RORA: variants seen among roughly 807,000 people sequenced by gnomAD.
RORA encodes the protein nuclear receptor ROR-alpha.
A neutral mutation model predicts 69.5 loss-of-function variants in RORA; 7 were observed. That is an observed-to-expected ratio of 0.10 (90% CI 0.06 to 0.19). The LOEUF (loss-of-function observed/expected upper bound fraction) is 0.19, where lower values mean the gene tolerates loss of function less well. RORA is among the 10% of genes least tolerant of loss of function. RORA has a pLI of 1.00. For synonymous variants in RORA, 261 were observed against 240.8 expected, an observed-to-expected ratio of 1.08 and a Z score of -0.78; for missense variants, 457 against 663.0, an observed-to-expected ratio of 0.69 and a Z score of 3.41.
At chr15:60,985,924 T>C (rs1894189549) in intron 1 of RORA, among the ~76,000 whole-genome samples, 1 of 152,222 alleles carries the variant, frequency 6.6e-6, no homozygotes, top group African/African-American at 2.4e-5. Flanking sequence ...ATTAAGAGTT[T>C]ATCTGAAGAT....
intron 1 of RORA, among the ~76,000 whole-genome samples, chr15:60,683,530 GTTA>G (rs1351883984): frequency 2.6e-5 from 4 of 152,000 alleles, no homozygotes; most frequent in African/African-American, 9.7e-5. Flanking sequence ...CCCACAAAAG[GTTA>G]TATAAGTAAA....
At chr15:60,846,877 A>G (rs981485496) in intron 1 of RORA, among the ~76,000 whole-genome samples, 3 of 152,216 alleles carry the variant, frequency 2.0e-5, no homozygotes, top group African/African-American at 7.2e-5. Context: ...CAAAACCACC[A>G]TGACCTAAAT....
At chr15:61,124,023 G>A (rs561990400) in intron 1 of RORA, among the ~76,000 whole-genome samples, 71 of 152,264 alleles carry the variant, frequency 4.7e-4, no homozygotes, top group Non-Finnish European at 9.4e-4. Context: ...AAACATACAT[G>A]CGAACAGCCA....
At chr15:61,193,540 T>C (rs1184386788) in intron 1 of RORA, among the ~76,000 whole-genome samples, 3 of 152,232 alleles carry the variant, frequency 2.0e-5, no homozygotes, top group South Asian at 2.1e-4. Context: ...TCCTGAAGTT[T>C]GATCTCCTCC....
chr15:60,587,478 C>G (rs1439118920), intron 2 of RORA, among the ~76,000 whole-genome samples: 2 of 152,126 alleles, frequency 1.3e-5, no homozygotes, highest in Admixed American at 1.3e-4. Flanking sequence ...GGTTGTAGTT[C>G]TTGTTTCACG....
At chr15:60,613,449 T>A (rs1278015638) in intron 2 of RORA, among the ~76,000 whole-genome samples, 1 of 152,138 alleles carries the variant, frequency 6.6e-6, no homozygotes, top group African/African-American at 2.4e-5. Context: ...TCTTGTCCTG[T>A]CGCTTGTCAG....
At position 60,514,709 on chromosome 15, in the gene RORA, G is replaced by A. The variant is rs770686712; in HGVS notation, c.331C>T (p.Arg111Cys). Residue 111 changes from arginine (R) to cysteine (C), a missense_variant, in exon 4 of 11, where the codon CGT becomes TGT. Physicochemically the swap from Arg to Cys is radical, Grantham distance 180. Coordinates refer to ENST00000335670, the MANE Select transcript of RORA (RefSeq NM_134261.3). ...CGATCAATCAAACAGTTCTTCTGAC[G>A]AGGACAGGAGTAGGTGGCATTGCTT... ...QQSNATYSCP[R>C]QKNCLIDRTS... 3 of 1,613,868 alleles carry A rather than the reference G, an allele frequency of 1.9e-6. No individual in the cohort carries two copies. The highest frequency in any genetic ancestry group is 1.7e-6 in the Non-Finnish European group (2 of 1,179,798).
intron 1 of RORA, among the ~76,000 whole-genome samples, chr15:61,223,649 G>GCAC (rs2080119458): frequency 6.6e-6 from 1 of 152,168 alleles, no homozygotes; most frequent in African/African-American, 2.4e-5. Context: ...TGACCTTGTG[G>GCAC]CACCATAAGA....
At chr15:60,637,694 A>T (rs995994560) in intron 2 of RORA, among the ~76,000 whole-genome samples, 1 of 152,170 alleles carries the variant, frequency 6.6e-6, no homozygotes, top group African/African-American at 2.4e-5. Flanking sequence ...TTCTATTGAC[A>T]CATATGCAAG....
rs1555403791 is a variant in RORA, at chr15:61,033,408, G to GAA, written c.166+195643_166+195644dup. On this transcript the variant is annotated intron_variant, in intron 1 of 10. Transcript: ENST00000335670. ...AGCCCCAAATTTATAGCTTTATTCT[G>GAA]AAAAAAAAAACAAAAACCAGTTTTG... 1.1e-3 allele frequency among the ~76,000 whole-genome samples: 41 copies of GAA among 36,094 alleles called. 2 individuals carry two copies. In the South Asian group the frequency reaches 0.029, roughly 25 times the overall value. 23.7% of individuals were successfully genotyped at this position (36,094 alleles called of 152,430 possible). A position where few individuals can be genotyped will look rare whatever the true frequency, so the allele number is the denominator to read the frequency against.
At chr15:61,106,012 G>GAACCCA (rs2078945352) in intron 1 of RORA, among the ~76,000 whole-genome samples, 1 of 152,196 alleles carries the variant, frequency 6.6e-6, no homozygotes, top group African/African-American at 2.4e-5. Context: ...CTCAAAAGTG[G>GAACCCA]TATATGGGTT....
chr15:60,712,148 T>A (rs751539728), intron 1 of RORA, among the ~76,000 whole-genome samples: 12 of 152,200 alleles, frequency 7.9e-5, no homozygotes, highest in African/African-American at 1.9e-4. Flanking sequence ...GTTGATAATA[T>A]CATTGCATTA....
intron 1 of RORA, among the ~76,000 whole-genome samples, chr15:60,712,910 G>T (rs2071163568): frequency 6.6e-6 from 1 of 152,130 alleles, no homozygotes; most frequent in African/African-American, 2.4e-5. Context: ...GGACAAGAGA[G>T]CCTGACCTCT....
At chr15:60,777,576 C>T (rs550093207) in intron 1 of RORA, among the ~76,000 whole-genome samples, 8 of 152,220 alleles carry the variant, frequency 5.3e-5, no homozygotes, top group South Asian at 4.2e-4. Flanking sequence ...ATCATTTCTG[C>T]GAGAGAAATT....
chr15:61,009,538 G>A (rs1484811996), intron 1 of RORA, among the ~76,000 whole-genome samples: 1 of 152,180 alleles, frequency 6.6e-6, no homozygotes, highest in African/African-American at 2.4e-5. Context: ...ATACCTATAA[G>A]GTCAAGACTA....
At chr15:60,683,856 C>A (rs2070696926) in intron 1 of RORA, among the ~76,000 whole-genome samples, 1 of 152,204 alleles carries the variant, frequency 6.6e-6, no homozygotes, top group Admixed American at 6.5e-5. Context: ...CTCTCTTTAA[C>A]TGGCCATGCT....
chr15:60,777,658 C>T (rs1256252700), intron 1 of RORA, among the ~76,000 whole-genome samples: 1 of 152,152 alleles, frequency 6.6e-6, no homozygotes, highest in African/African-American at 2.4e-5. Flanking sequence ...ATTTTAACAT[C>T]CTTATTCAGC....
At chr15:61,038,680 A>G (rs915819513) in intron 1 of RORA, 2 of 152,264 alleles carry the variant, frequency 1.3e-5, no homozygotes, top group Non-Finnish European at 2.9e-5. Context: ...CTAAGGCAAT[A>G]AACAGTCCAA....
At chr15:60,508,481 C>T (rs931377281) in intron 5 of RORA, among the ~76,000 whole-genome samples, 3 of 152,116 alleles carry the variant, frequency 2.0e-5, no homozygotes, top group African/African-American at 7.2e-5. Flanking sequence ...TATGCCAGTC[C>T]CACATAATTT....
Sources: gnomAD v4.1 joint callset for allele counts (sites outside exome capture counted in the v4.1 genomes callset) on GRCh38, gnomAD v4.1.1 for gene constraint, MANE v1.5 for transcripts, NCBI Gene and HGNC (gene_info 2026-07-23, HGNC 2026-07-21) for gene names.